The following THBS4 variants were observed in gnomAD, a reference collection of about 807,000 sequenced individuals.
THBS4 encodes thrombospondin 4, also known as thrombospondin-4.
THBS4 carries 90 observed loss-of-function variants against 115.7 expected under a neutral mutation model. The ratio of observed to expected loss-of-function variants is 0.78; its 90% confidence interval spans 0.66 to 0.93. The LOEUF is 0.93. Ranked by LOEUF, THBS4 falls within the 40% of genes least tolerant of loss-of-function variation. The pLI, the probability that THBS4 is intolerant of heterozygous loss-of-function variation, is 0.00. For missense variants in THBS4, 1,087 were observed against 1,232.7 expected (o/e 0.88, Z 1.77); for synonymous variants, 460 against 479.3 (o/e 0.96, Z 0.53).
chr5:80,082,929 C>A lies in THBS4; in HGVS notation c.2825-151C>A. ...GGCTTTAAGCCAACGGTTTGCAAAG[C>A]AGCCTGCAGGAGAAAATGGCGGCGA... On this transcript the variant is annotated intron_variant, in intron 21 of 21. Transcript: ENST00000350881. 3 of 731,118 alleles carry A rather than the reference C, an allele frequency of 4.1e-6. No homozygotes were observed. The East Asian group carries it at 7.5e-5, about 18-fold the overall frequency. 45.3% of individuals were successfully genotyped at this position (731,118 alleles called of 1,614,324 possible).
intron 2 of THBS4, among the ~76,000 whole-genome samples, chr5:80,013,376 T>A (rs1404108260): frequency 6.6e-6 from 1 of 151,988 alleles, no homozygotes; most frequent in Non-Finnish European, 1.5e-5. Context: ...CGACCTCAGG[T>A]GATCTGCCTA....
intron 7 of THBS4, 61 bp from the exon 8 acceptor site, chr5:80,061,634 A>C: frequency 6.6e-7 from 1 of 1,518,706 alleles, no homozygotes; most frequent in Non-Finnish European, 8.9e-7. Context: ...CAAATAGATG[A>C]AGAAAAGTTT....
chr5:80,016,936 A>T (rs192971898), intron 2 of THBS4, among the ~76,000 whole-genome samples: 63 of 152,356 alleles, frequency 4.1e-4, no homozygotes, highest in African/African-American at 1.4e-3. Context: ...ATTTGCTTTA[A>T]TCATTTTATA....
intron 2 of THBS4, among the ~76,000 whole-genome samples, 165 bp from the exon 3 acceptor site, chr5:80,055,620 G>A (rs1425171601): frequency 6.6e-6 from 1 of 152,282 alleles, no homozygotes; most frequent in East Asian, 1.9e-4. Context: ...CACAGAAGAT[G>A]GTGAATCAAT....
At chr5:80,007,092 G>T (rs1323385618) in intron 2 of THBS4, among the ~76,000 whole-genome samples, 1 of 152,158 alleles carries the variant, frequency 6.6e-6, no homozygotes, top group African/African-American at 2.4e-5. Context: ...AAGGAGCAGA[G>T]ACAAGGAAGA....
Position 80,079,951 on chromosome 5 carries a change from T to C in THBS4, c.2558T>C (p.Leu853Pro). The C allele has an allele frequency of 6.2e-7, 1 of 1,614,132 alleles. No homozygotes were observed. ...CCAGGGGAGCATCTCCGGAACTCCC[T>C]GTGGCACACGGGGGACACCAGTGAC... ...TGPGEHLRNSLWHTGDTSDQV... is the reference protein window; with the variant it reads ...TGPGEHLRNSPWHTGDTSDQV... The change falls in exon 20 of 22, where the codon CTG becomes CCG. Residue 853 changes from leucine (L) to proline (P), a missense_variant. Coordinates refer to ENST00000350881, the MANE Select transcript of THBS4 (RefSeq NM_003248.6).
At chr5:80,047,284 C>T (rs1833099170) in intron 2 of THBS4, among the ~76,000 whole-genome samples, 1 of 152,200 alleles carries the variant, frequency 6.6e-6, no homozygotes, top group African/African-American at 2.4e-5. Context: ...AATACTGTGT[C>T]TAGTCCTGGA....
upstream of THBS4, among the ~76,000 whole-genome samples, chr5:80,031,676 T>C (rs1053904376): frequency 1.3e-5 from 2 of 152,198 alleles, no homozygotes; most frequent in Non-Finnish European, 2.9e-5. Context: ...CATGCTATCA[T>C]GGCAAAGGCA....
At chr5:80,082,672 T>C (rs1270345481) in intron 21 of THBS4, 127 bp downstream of exon 21, 2 of 1,150,668 alleles carry the variant, frequency 1.7e-6, no homozygotes, top group African/African-American at 1.6e-5. Context: ...TAAAACCTGA[T>C]AGTCCCTGTG....
At chr5:80,027,894 CAAAAAAAAAAAAAA>C (rs1159986888) in intron 2 of THBS4, among the ~76,000 whole-genome samples, 3 of 47,720 alleles carry the variant, frequency 6.3e-5, no homozygotes, top group Admixed American at 2.7e-4. Context: ...ACCCTGTCTC[CAAAAAAAAAAAAAA>C]AAAAAAAAGG....
At chr5:80,033,657 C>G (rs1439063029), upstream of THBS4, among the ~76,000 whole-genome samples, 1 of 152,208 alleles carries the variant, frequency 6.6e-6, no homozygotes, top group African/African-American at 2.4e-5. Flanking sequence ...AGCACCAGAT[C>G]TGAGAGGAAA....
chr5:79,991,666 C>T (rs1831675690), intron 1 of THBS4, among the ~76,000 whole-genome samples: 1 of 152,212 alleles, frequency 6.6e-6, no homozygotes, highest in African/African-American at 2.4e-5. Flanking sequence ...CTCTGCCTGC[C>T]TTTCCAGCCT....
intron 2 of THBS4, among the ~76,000 whole-genome samples, chr5:80,044,227 A>G (rs946505783): frequency 3.3e-5 from 5 of 152,228 alleles, no homozygotes. Context: ...CTCTTGAGAC[A>G]GGGACTATAC....
At position 80,070,336 on chromosome 5, in the gene THBS4, A is replaced by G. The variant is rs769567902; in HGVS notation, c.1378A>G (p.Ile460Val). 17 of 1,604,830 alleles carry G rather than the reference A, an allele frequency of 1.1e-5. 1 individual carries two copies. The African/African-American group carries it at 2.3e-4, about 21-fold the overall frequency. The change falls in exon 11 of 22, where the codon ATC (isoleucine) becomes GTC (valine). Residue 460 changes from isoleucine (I) to valine (V), a missense_variant. By Grantham distance (29) the Ile-to-Val change is conservative. This residue lies in a region of THBS4 where 979 missense variants were observed against 1,103.7 expected (regional missense o/e 0.89). Transcript: ENST00000350881. ...AGTCGGTTGGGCTGGAGATGGCTAT[A>G]TCTGTGGAAAGGATGTGGACATCGA... ...CGVGWAGDGY[I>V]CGKDVDIDSY...
intron 20 of THBS4, 160 bp downstream of exon 20, chr5:80,080,237 TG>T (rs999037567): frequency 8.1e-6 from 7 of 863,646 alleles, no homozygotes; most frequent in African/African-American, 3.4e-5. Flanking sequence ...AGAAAAGAGG[TG>T]GGAGAGAAGA....
At chr5:80,025,708 T>C (rs1229389842) in intron 2 of THBS4, among the ~76,000 whole-genome samples, 2 of 152,204 alleles carry the variant, frequency 1.3e-5, no homozygotes, top group Non-Finnish European at 2.9e-5. Flanking sequence ...ATGAGCTCAT[T>C]CATCCTTGAG....
intron 2 of THBS4, among the ~76,000 whole-genome samples, chr5:80,047,751 A>G (rs1833119501): frequency 6.6e-6 from 1 of 150,892 alleles, no homozygotes; most frequent in Non-Finnish European, 1.5e-5. Flanking sequence ...CTCCTGCCTC[A>G]GCCTCCTGAG....
intron 13 of THBS4, 138 bp from the exon 14 acceptor site, chr5:80,072,140 C>T (rs1422815279): frequency 5.5e-6 from 4 of 731,956 alleles, no homozygotes; most frequent in Non-Finnish European, 7.3e-6. Context: ...GAAGCTACCT[C>T]TGGATAACTG....
intron 2 of THBS4, among the ~76,000 whole-genome samples, chr5:79,998,588 C>T (rs937440394): frequency 6.6e-6 from 1 of 152,184 alleles, no homozygotes; most frequent in South Asian, 2.1e-4. Context: ...TGAATGAACT[C>T]TGTGGTTTGT....
Sources: allele counts gnomAD v4.1 joint callset (sites outside exome capture counted in the v4.1 genomes callset), GRCh38; gene constraint gnomAD v4.1.1; regional missense constraint gnomAD v4.1.1; transcripts MANE v1.5; gene names NCBI Gene and HGNC (gene_info 2026-07-23, HGNC 2026-07-21).